AMPH: variants seen among roughly 807,000 people sequenced by gnomAD.
The protein encoded by AMPH is amphiphysin.
AMPH carries 49 observed loss-of-function variants against 99.1 expected under a neutral mutation model. The observed-to-expected ratio is 0.49, with a 90% CI of 0.39 to 0.63. The LOEUF (loss-of-function observed/expected upper bound fraction) is 0.63. AMPH is among the 20% of genes least tolerant of loss of function. The probability of loss-of-function intolerance (pLI) is 0.00; values close to 1 mark genes in which losing one functional copy is unlikely to be tolerated. For synonymous variants in AMPH, 314 were observed against 317.3 expected (o/e 0.99, Z 0.11); for missense variants, 759 against 863.4 (o/e 0.88, Z 1.52).
chr7:38,585,684 G>C (rs1357800891), intron 1 of AMPH, among the ~76,000 whole-genome samples: 1 of 152,220 alleles, frequency 6.6e-6, no homozygotes, highest in East Asian at 1.9e-4. Flanking sequence ...TAGCCTCACG[G>C]TCCACCGTGC....
At chr7:38,596,408 C>G (rs1343076955) in intron 1 of AMPH, among the ~76,000 whole-genome samples, 1 of 152,080 alleles carries the variant, frequency 6.6e-6, no homozygotes, top group Non-Finnish European at 1.5e-5. Flanking sequence ...AATTATTAGT[C>G]CTATCAGGCA....
chr7:38,513,930 G>A (rs1235347396), intron 2 of AMPH, among the ~76,000 whole-genome samples: 1 of 152,100 alleles, frequency 6.6e-6, no homozygotes, highest in Non-Finnish European at 1.5e-5. Context: ...TTAAGAAAAT[G>A]TTCTTTTGAC....
chr7:38,542,542 G>A (rs944876445), intron 1 of AMPH, among the ~76,000 whole-genome samples: 3 of 152,244 alleles, frequency 2.0e-5, no homozygotes, highest in East Asian at 1.9e-4. Flanking sequence ...GTAAACATAC[G>A]TGACCACAAA....
chr7:38,427,738 T>C (rs1785837980), intron 14 of AMPH: 1 of 366,164 alleles, frequency 2.7e-6, no homozygotes, highest in South Asian at 2.1e-5. Flanking sequence ...TCAGGCCTCC[T>C]AGAAGATAGT....
intron 2 of AMPH, among the ~76,000 whole-genome samples, chr7:38,508,453 A>G (rs145077271): frequency 0.019 from 2,954 of 152,362 alleles, 45 homozygotes; most frequent in South Asian, 0.055. Flanking sequence ...TTATAAAAAG[A>G]AAAAGAAAGA....
At position 38,458,810 on chromosome 7, in the gene AMPH, G is replaced by A. The variant is rs116056785; in HGVS notation, c.1017+2473C>T. ...CTTCTATGAACAAGATAAGGAACAA[G>A]ATAAGGATGCCCACTTTCACCTCTC... On this transcript the variant is annotated intron_variant, in intron 11 of 20. Transcript: ENST00000356264. Among the ~76,000 whole-genome samples, 199 of 152,188 alleles carry A rather than the reference G, an allele frequency of 1.3e-3. 1 individual carries two copies. Among genetic ancestry groups the A allele is most frequent in the African/African-American group, 4.5e-3 (185 of 41,530 alleles).
At position 38,625,240 on chromosome 7, in the gene AMPH, A is replaced by G. The variant is rs1794204319; in HGVS notation, c.69+6043T>C. On this transcript the variant is annotated intron_variant, in intron 1 of 20. Transcript: ENST00000356264. ...GAAAAATCAGCCCAGATTACCACAA[A>G]AGGGCAGAGGCATCCAAAAAGGATA... Among the ~76,000 whole-genome samples the G allele has an allele frequency of 2.0e-5, 3 of 152,188 alleles. No homozygotes were observed. In the South Asian group the frequency reaches 6.2e-4, roughly 32 times the overall value.
intron 9 of AMPH, among the ~76,000 whole-genome samples, chr7:38,464,747 A>C (rs576684047): frequency 6.6e-6 from 1 of 152,272 alleles, no homozygotes; most frequent in South Asian, 2.1e-4. Context: ...TTAACTGCAA[A>C]ATCAGAAAAC....
At chr7:38,385,975 A>G (rs1007837221) in intron 20 of AMPH, among the ~76,000 whole-genome samples, 1 of 152,008 alleles carries the variant, frequency 6.6e-6, no homozygotes, top group Non-Finnish European at 1.5e-5. Context: ...CAAACCCCCA[A>G]CATAGTTCAA....
chr7:38,504,541 G>A (rs1789257078), intron 2 of AMPH, among the ~76,000 whole-genome samples: 1 of 152,150 alleles, frequency 6.6e-6, no homozygotes. Context: ...TACCACTGTG[G>A]GCAACTGGAC....
intron 2 of AMPH, among the ~76,000 whole-genome samples, chr7:38,532,083 C>T (rs1790422008): frequency 6.6e-6 from 1 of 152,166 alleles, no homozygotes; most frequent in Admixed American, 6.5e-5. Context: ...GAGGATTCTT[C>T]TCTCCGTAGA....
At chr7:38,432,107 T>C (rs1297791152) in intron 13 of AMPH, 82 bp downstream of exon 13, 2 of 1,202,952 alleles carry the variant, frequency 1.7e-6, no homozygotes, top group Admixed American at 1.7e-5. Flanking sequence ...TTCTTTCTGT[T>C]GCAAATGAAA....
At chr7:38,450,171 A>T (rs931553824) in intron 11 of AMPH, among the ~76,000 whole-genome samples, 2 of 152,234 alleles carry the variant, frequency 1.3e-5, no homozygotes, top group African/African-American at 4.8e-5. Flanking sequence ...TGGAGAAATA[A>T]GCTTGGATGT....
chr7:38,422,740 T>C (rs1259618344), intron 15 of AMPH, among the ~76,000 whole-genome samples: 1 of 152,134 alleles, frequency 6.6e-6, no homozygotes, highest in Non-Finnish European at 1.5e-5. Flanking sequence ...TACCTCAGCC[T>C]CCTGAGTAGC....
intron 20 of AMPH, among the ~76,000 whole-genome samples, chr7:38,387,106 T>C (rs1388907853): frequency 6.6e-6 from 1 of 152,038 alleles, no homozygotes; most frequent in Non-Finnish European, 1.5e-5. Flanking sequence ...CCAACTCCCA[T>C]CAATTCAAGG....
chr7:38,460,991 T>A (rs1471787330), intron 11 of AMPH, among the ~76,000 whole-genome samples: 1 of 152,212 alleles, frequency 6.6e-6, no homozygotes, highest in Non-Finnish European at 1.5e-5. Context: ...ATATTTGGTA[T>A]CAATAAAACA....
intron 1 of AMPH, among the ~76,000 whole-genome samples, chr7:38,619,398 G>A (rs1452112569): frequency 1.3e-5 from 2 of 152,146 alleles, no homozygotes; most frequent in African/African-American, 4.8e-5. Flanking sequence ...TAAAATACAT[G>A]AAGGATAAAC....
At chr7:38,622,589 A>G (rs1373128065) in intron 1 of AMPH, among the ~76,000 whole-genome samples, 1 of 152,106 alleles carries the variant, frequency 6.6e-6, no homozygotes, top group East Asian at 1.9e-4. Context: ...TGGGCTTAGA[A>G]TAAATTTAGT....
At chr7:38,394,930 C>T (rs112110443) in intron 17 of AMPH, among the ~76,000 whole-genome samples, 1,944 of 152,290 alleles carry the variant, frequency 0.013, 45 homozygotes, top group African/African-American at 0.044. Flanking sequence ...GTTCTCAAAA[C>T]TCTCTTCAGA....
Sources: gnomAD v4.1 joint callset for allele counts (sites outside exome capture counted in the v4.1 genomes callset) on GRCh38, gnomAD v4.1.1 for gene constraint, MANE v1.5 for transcripts, NCBI Gene and HGNC (gene_info 2026-07-23, HGNC 2026-07-21) for gene names.